Variants in DDX46 observed in about 807,000 individuals in gnomAD.
DDX46 encodes the protein DEAD-box helicase 46, also known as probable ATP-dependent RNA helicase DDX46.
DDX46 carries 30 observed loss-of-function variants against 134.9 expected under a neutral mutation model. That is an observed-to-expected ratio of 0.22 (90% CI 0.17 to 0.30). The LOEUF (loss-of-function observed/expected upper bound fraction) is 0.30. DDX46 is among the 10% of genes least tolerant of loss of function. The probability of loss-of-function intolerance (pLI) is 1.00; values close to 1 mark genes in which losing one functional copy is unlikely to be tolerated. For missense variants in DDX46, 622 were observed against 1,248.7 expected (o/e 0.50, Z 7.56); for synonymous variants, 415 against 404.1 (o/e 1.03, Z -0.32).
intron 21 of DDX46, among the ~76,000 whole-genome samples, chr5:134,821,666 A>G (rs1402241580): frequency 6.8e-6 from 1 of 147,732 alleles, no homozygotes; most frequent in African/African-American, 2.5e-5. Flanking sequence ...AAGCGGTTCT[A>G]TTGCCTCAGC....
At chr5:134,807,053 CTTTT>C (rs766339943) in intron 15 of DDX46, among the ~76,000 whole-genome samples, 1 of 140,140 alleles carries the variant, frequency 7.1e-6, no homozygotes, top group African/African-American at 2.6e-5. Flanking sequence ...TCTGCATTTC[CTTTT>C]TTTTTTTTTT....
At chr5:134,787,391 C>G (rs561140699) in intron 11 of DDX46, among the ~76,000 whole-genome samples, 1 of 152,258 alleles carries the variant, frequency 6.6e-6, no homozygotes, top group South Asian at 2.1e-4. Context: ...TCTTAATAAG[C>G]TAATGTATAT....
chr5:134,783,113 A>G (rs371380568), intron 9 of DDX46, 48 bp downstream of exon 9: 569 of 1,601,570 alleles, frequency 3.6e-4, no homozygotes, highest in Non-Finnish European at 4.6e-4. Context: ...GCTGCTCAAA[A>G]TAGTCCTTCC....
intron 2 of DDX46, among the ~76,000 whole-genome samples, chr5:134,764,300 T>A (rs1753490614): frequency 6.6e-6 from 1 of 151,912 alleles, no homozygotes; most frequent in Non-Finnish European, 1.5e-5. Context: ...TAATCTTTTT[T>A]GAGACAGAGC....
chr5:134,792,288 A>T (rs1478715031), intron 13 of DDX46, among the ~76,000 whole-genome samples: 3 of 152,064 alleles, frequency 2.0e-5, no homozygotes, highest in African/African-American at 7.2e-5. Flanking sequence ...CATTGAATTT[A>T]TTTTTTTCAT....
intron 15 of DDX46, 101 bp from the exon 16 acceptor site, chr5:134,807,647 T>A (rs905644574): frequency 2.0e-6 from 2 of 991,190 alleles, no homozygotes; most frequent in Non-Finnish European, 2.9e-6. Context: ...ATTTTAGGAG[T>A]TGGATGTGTC....
At chr5:134,807,002 A>C (rs1755007115) in intron 15 of DDX46, among the ~76,000 whole-genome samples, 1 of 151,732 alleles carries the variant, frequency 6.6e-6, no homozygotes, top group African/African-American at 2.4e-5. Flanking sequence ...GTTTTTTAAA[A>C]TGCAGATTTT....
chr5:134,802,498 T>G (rs764613400), intron 15 of DDX46, among the ~76,000 whole-genome samples: 88 of 119,782 alleles, frequency 7.3e-4, no homozygotes, highest in Non-Finnish European at 1.2e-3. Flanking sequence ...AACATTATCG[T>G]TTTTTTTTTT....
rs1561878261 is a variant in DDX46, at chr5:134,828,714, G to GA, written c.*14dup. 2 of 1,497,882 alleles carry GA rather than the reference G, an allele frequency of 1.3e-6. No homozygotes were observed. Among genetic ancestry groups the GA allele is most frequent in the Admixed American group, 2.3e-5 (1 of 43,406 alleles). 92.8% of individuals were successfully genotyped at this position (1,497,882 alleles called of 1,614,324 possible). On this transcript the variant is annotated 3_prime_UTR_variant, in exon 23 of 23. Coordinates refer to ENST00000452510, the MANE Select transcript of DDX46 (RefSeq NM_001300860.2). Reference sequence around the variant, plus strand: ...AGATACAAAGTCTTATAGACATCCGGAAAAAAGATTTTTACCTGTGCTGGT... The same window carrying GA: ...AGATACAAAGTCTTATAGACATCCGGAAAAAAAGATTTTTACCTGTGCTGGT...
chr5:134,787,790 A>G (rs1445460338), intron 11 of DDX46, among the ~76,000 whole-genome samples: 1 of 151,910 alleles, frequency 6.6e-6, no homozygotes, highest in Non-Finnish European at 1.5e-5. Flanking sequence ...TGGAAGAATC[A>G]CTTGAGTCCA....
intron 22 of DDX46, 121 bp from the exon 23 acceptor site, chr5:134,828,538 A>G (rs1313400836): frequency 1.4e-5 from 8 of 569,176 alleles, no homozygotes; most frequent in Non-Finnish European, 2.2e-5. Context: ...ATAAGTTGGC[A>G]AAGGAAATGA....
At chr5:134,792,104 G>A (rs951309401) in intron 13 of DDX46, among the ~76,000 whole-genome samples, 1 of 152,112 alleles carries the variant, frequency 6.6e-6, no homozygotes, top group South Asian at 2.1e-4. Context: ...TTGAACCTGG[G>A]AGGCACAGGG....
Position 134,763,886 on chromosome 5 carries a change from T to C in DDX46, c.18-18T>C. 1 of 1,600,316 alleles carries C rather than the reference T, an allele frequency of 6.2e-7. No homozygotes were observed. The highest frequency in any genetic ancestry group is 8.5e-7 in the Non-Finnish European group (1 of 1,173,220). On this transcript the variant is annotated intron_variant, in intron 1 of 22. Coordinates refer to ENST00000452510, the MANE Select transcript of DDX46 (RefSeq NM_001300860.2). ...CTAATGGTGTTTGCTGAACTTAATC[T>C]TTGACTTATTGTTCTAGCCACTATC...
At chr5:134,760,875 G>T (rs1402057509) in intron 1 of DDX46, among the ~76,000 whole-genome samples, 1 of 152,048 alleles carries the variant, frequency 6.6e-6, no homozygotes, top group Non-Finnish European at 1.5e-5. Flanking sequence ...AACTACAGGC[G>T]CCTGCCACCG....
At chr5:134,809,524 C>T (rs567491247) in intron 16 of DDX46, among the ~76,000 whole-genome samples, 10 of 152,044 alleles carry the variant, frequency 6.6e-5, no homozygotes, top group Admixed American at 3.3e-4. Context: ...TGTGCCACCA[C>T]GCCTGGCTAA....
At chr5:134,769,836 C>T (rs942544686) in intron 3 of DDX46, among the ~76,000 whole-genome samples, 1 of 151,962 alleles carries the variant, frequency 6.6e-6, no homozygotes, top group Non-Finnish European at 1.5e-5. Flanking sequence ...CGTGAGCCAC[C>T]GCGCCCGGCC....
intron 21 of DDX46, among the ~76,000 whole-genome samples, chr5:134,823,419 G>A (rs945901420): frequency 6.6e-6 from 1 of 152,102 alleles, no homozygotes; most frequent in Non-Finnish European, 1.5e-5. Flanking sequence ...GATTACAGGC[G>A]AGAGCCACCA....
At chr5:134,809,917 G>A (rs1417347572) in intron 16 of DDX46, among the ~76,000 whole-genome samples, 3 of 152,208 alleles carry the variant, frequency 2.0e-5, no homozygotes, top group Non-Finnish European at 4.4e-5. Context: ...GGAGGCTGAG[G>A]CAGGAGAATA....
chr5:134,812,657 G>A (rs1755178370), intron 18 of DDX46, among the ~76,000 whole-genome samples: 1 of 151,912 alleles, frequency 6.6e-6, no homozygotes, highest in Admixed American at 6.6e-5. Context: ...AAAATTAGCC[G>A]GGCGTGTCTT....
Sources: allele counts gnomAD v4.1 joint callset (sites outside exome capture counted in the v4.1 genomes callset), GRCh38; gene constraint gnomAD v4.1.1; transcripts MANE v1.5; gene names NCBI Gene and HGNC (gene_info 2026-07-23, HGNC 2026-07-21).